Variants in GOLGB1 observed in about 807,000 individuals in gnomAD.
The protein encoded by GOLGB1 is golgin subfamily B member 1.
In GOLGB1, 174 loss-of-function variants were observed where a neutral mutation model predicts 336.9. The ratio of observed to expected loss-of-function variants is 0.52; its 90% CI spans 0.46 to 0.59. GOLGB1 has a LOEUF of 0.59. Among genes scored for constraint, GOLGB1 ranks in the 20% least tolerant of loss-of-function variants. The probability of loss-of-function intolerance (pLI) is 0.00; values close to 1 mark genes in which losing one functional copy is unlikely to be tolerated. For synonymous variants in GOLGB1, 1,208 were observed against 1,289.2 expected (o/e 0.94, Z 1.35); for missense variants, 3,331 against 3,645.3 (o/e 0.91, Z 2.22).
chr3:121,702,527 G>T lies in GOLGB1; in HGVS notation c.1473C>A (p.Ala491=). ...RVVELENEKG[A]LLLSSIELEE... is the part of the protein sequence containing the mutation. ...CCAGCTCTATAGAACTAAGGAGCAA[G>T]GCTCCCTTTTCATTCTCTAGTTCTA... Residue 491 remains alanine (A), a synonymous_variant, in exon 11 of 22, where the codon GCC becomes GCA. Coordinates refer to ENST00000614479, the MANE Select transcript of GOLGB1 (RefSeq NM_001366282.2). 6.5e-7 allele frequency: 1 copy of T among 1,550,192 alleles called. No homozygotes were observed. The highest frequency in any genetic ancestry group is 8.7e-7 in the Non-Finnish European group (1 of 1,149,034).
In GOLGB1 at chr3:121,667,545, A is replaced by G; in HGVS notation, c.9485T>C (p.Leu3162Pro). 1.2e-6 allele frequency: 2 copies of G among 1,614,114 alleles called. No individual in the cohort carries two copies. The highest frequency in any genetic ancestry group is 1.7e-6 in the Non-Finnish European group (2 of 1,179,944). The part of the protein sequence containing the change: ...RQEVNELRKL[L>P]EEERDQRVAA... ...CACTCTTTGGTCTCGTTCTTCTTCCAGCAGCTTCCTTAATTCATTCACTTC... is the reference window on the plus strand; with the variant it reads ...CACTCTTTGGTCTCGTTCTTCTTCCGGCAGCTTCCTTAATTCATTCACTTC... The change falls in exon 20 of 22, where the codon CTG becomes CCG. Residue 3162 changes from leucine to proline, a missense_variant. Leu to Pro is a moderately conservative substitution (Grantham distance 98, BLOSUM62 -3). Coordinates refer to ENST00000614479, the MANE Select transcript of GOLGB1 (RefSeq NM_001366282.2).
chr3:121,744,422 C>T (rs1046265185), intron 1 of GOLGB1, among the ~76,000 whole-genome samples: 2 of 109,310 alleles, frequency 1.8e-5, no homozygotes, highest in African/African-American at 7.3e-5. Context: ...GCCTGAGCAA[C>T]ATAGTGAGAC....
chr3:121,701,575 G>T (rs1297938405), intron 11 of GOLGB1, among the ~76,000 whole-genome samples: 1 of 152,090 alleles, frequency 6.6e-6, no homozygotes, highest in Non-Finnish European at 1.5e-5. Context: ...GATCAATAAA[G>T]CATTAACGAC....
At chr3:121,665,431 A>G (rs1183829326) in intron 20 of GOLGB1, among the ~76,000 whole-genome samples, 3 of 152,196 alleles carry the variant, frequency 2.0e-5, no homozygotes, top group African/African-American at 7.2e-5. Context: ...TTCAAGCCTC[A>G]CGTTCTTTTT....
At chr3:121,736,619 T>G (rs1393823146) in intron 1 of GOLGB1, among the ~76,000 whole-genome samples, 1 of 152,112 alleles carries the variant, frequency 6.6e-6, no homozygotes, top group Non-Finnish European at 1.5e-5. Context: ...AAATGCAAAG[T>G]AGGCCGGGCA....
chr3:121,710,303 C>T (rs1050363020), intron 10 of GOLGB1, among the ~76,000 whole-genome samples: 1 of 152,046 alleles, frequency 6.6e-6, no homozygotes, highest in African/African-American at 2.4e-5. Context: ...AAAGGAAACA[C>T]TCCCAGAAAA....
intron 12 of GOLGB1, among the ~76,000 whole-genome samples, chr3:121,699,199 T>A (rs1275289265): frequency 3.3e-5 from 5 of 152,156 alleles, no homozygotes; most frequent in Non-Finnish European, 4.4e-5. Flanking sequence ...ATTCCTTACA[T>A]AAGAAGCTTT....
At chr3:121,688,285 C>G (rs1241952830) in intron 14 of GOLGB1, among the ~76,000 whole-genome samples, 10 of 152,238 alleles carry the variant, frequency 6.6e-5, no homozygotes, top group Non-Finnish European at 1.5e-4. Flanking sequence ...CAACCTCCCT[C>G]CCTGATTCTT....
intron 14 of GOLGB1, among the ~76,000 whole-genome samples, chr3:121,687,796 G>A (rs1317800596): frequency 6.6e-6 from 1 of 152,178 alleles, no homozygotes; most frequent in Non-Finnish European, 1.5e-5. Context: ...TTTTGACTTA[G>A]AAGATAATCA....
At chr3:121,668,988 T>A (rs973502500) in intron 18 of GOLGB1, among the ~76,000 whole-genome samples, 16 of 152,342 alleles carry the variant, frequency 1.1e-4, no homozygotes, top group African/African-American at 3.8e-4. Context: ...TTCCTACTCA[T>A]GTTTTGATTT....
Position 121,716,862 on chromosome 3 carries a change from C to T in GOLGB1, c.1163G>A (p.Ser388Asn), listed in dbSNP as rs1477883662. The T allele has an allele frequency of 6.2e-7, 1 of 1,613,942 alleles. No individual in the cohort carries two copies. Residue 388 changes from serine to asparagine, a missense_variant, in exon 9 of 22, where the codon AGT becomes AAT. Coordinates refer to ENST00000614479, the MANE Select transcript of GOLGB1 (RefSeq NM_001366282.2). Reference sequence around the variant, plus strand: ...CAGCTCTTGTCCAGTCTTTTGAAGACTCAAAATATGAGAGGTCTTCTCTTC... The same window carrying T: ...CAGCTCTTGTCCAGTCTTTTGAAGATTCAAAATATGAGAGGTCTTCTCTTC... ...EMEEKTSHIL[S>N]LQKTGQELQS...
At position 121,696,945 on chromosome 3, in the gene GOLGB1, T is replaced by C. The variant is rs368280345; in HGVS notation, c.3578A>G (p.Lys1193Arg). The C allele has an allele frequency of 7.4e-6, 12 of 1,613,994 alleles. No homozygotes were observed. Among genetic ancestry groups the C allele is most frequent in the Non-Finnish European group, 1.0e-5 (12 of 1,179,956 alleles). The change falls in exon 13 of 22, where the codon AAG becomes AGG. Residue 1193 changes from lysine (K) to arginine (R), a missense_variant. By Grantham distance (26) the Lys-to-Arg change is conservative (BLOSUM62 2). Coordinates refer to ENST00000614479, the MANE Select transcript of GOLGB1 (RefSeq NM_001366282.2). ...CTCCTGTGCCTTTTTAAGAATTGCC[T>C]TGCGGGAGGTTAAGGCTTCCTGTAG... Reference protein sequence around the residue: ...KKLQEALTSRKAILKKAQEKE... With the variant: ...KKLQEALTSRRAILKKAQEKE...
chr3:121,694,939 G>T lies in GOLGB1; in HGVS notation c.5584C>A (p.Gln1862Lys). 6.2e-7 allele frequency: 1 copy of T among 1,613,904 alleles called. No homozygotes were observed. Among genetic ancestry groups the T allele is most frequent in the Non-Finnish European group, 8.5e-7 (1 of 1,179,916 alleles). ...GTCTGGCTAAATTCCTTGTTTTTCT[G>T]CTTCTCCTCCTCTAATCCAGCAATT... Reference protein sequence around the residue: ...ERIAGLEEEKQKNKEFSQTLE... With the variant: ...ERIAGLEEEKKKNKEFSQTLE... Residue 1862 changes from glutamine to lysine, a missense_variant, in exon 13 of 22, where the codon CAG becomes AAG. By Grantham distance (53) the Gln-to-Lys change is moderately conservative. Coordinates refer to ENST00000614479, the MANE Select transcript of GOLGB1 (RefSeq NM_001366282.2).
At chr3:121,716,028 A>G (rs536142003) in intron 9 of GOLGB1, among the ~76,000 whole-genome samples, 15 of 152,128 alleles carry the variant, frequency 9.9e-5, no homozygotes, top group African/African-American at 3.6e-4. Flanking sequence ...CTGTCTGGCT[A>G]ACATTCAGTT....
At position 121,692,546 on chromosome 3, in the gene GOLGB1, G is replaced by A; in HGVS notation, c.6818C>T (p.Ala2273Val). 6.3e-7 allele frequency: 1 copy of A among 1,597,522 alleles called. No homozygotes were observed. Among genetic ancestry groups the A allele is most frequent in the Non-Finnish European group, 8.5e-7 (1 of 1,174,734 alleles). ...CTGCTGAAGCTGGACCTCTGTCTGG[G>A]CCTTGGACTCCCAAATCTGCTTGTC... is the stretch of plus-strand genomic sequence containing the variant. The part of the protein sequence containing the change: ...EHDKQIWESK[A>V]QTEVQLQQKV... The change falls in exon 14 of 22, where the codon GCC (alanine) becomes GTC (valine). Residue 2273 changes from alanine (A) to valine (V), a missense_variant. Physicochemically the swap from Ala to Val is moderately conservative, Grantham distance 64. Transcript: ENST00000614479.
rs1237993980 is a variant in GOLGB1 at position 121,695,482 on chromosome 3, C to A, written c.5041G>T (p.Glu1681Ter). The stretch of plus-strand genomic sequence containing the variant: ...GATTTAGCAAACTTTCTCATCTTTT[C>A]TTTCATTTCCTCCATTTCTTGCTCA... ...EAEQEMEEMK[E>*]KMRKFAKSKQ... The change falls in exon 13 of 22, where the codon GAA (glutamate) becomes TAA (stop). Residue 1681 changes from glutamate (E) to a stop codon, truncating the protein, a stop_gained. Transcript: ENST00000614479. LOFTEE classifies it high-confidence loss of function. 1 of 1,613,812 alleles carries A rather than the reference C, an allele frequency of 6.2e-7. No homozygotes were observed. Among genetic ancestry groups the A allele is most frequent in the Non-Finnish European group, 8.5e-7 (1 of 1,179,864 alleles).
At chr3:121,737,496 C>CAA (rs763872247) in intron 1 of GOLGB1, among the ~76,000 whole-genome samples, 84 of 151,568 alleles carry the variant, frequency 5.5e-4, no homozygotes, top group South Asian at 1.9e-3. Context: ...ACTAAAAATA[C>CAA]AAAAATTAGC....
chr3:121,691,371 C>G lies in GOLGB1; in HGVS notation c.7993G>C (p.Glu2665Gln). 6.2e-7 allele frequency: 1 copy of G among 1,613,042 alleles called. No homozygotes were observed. Among genetic ancestry groups the G allele is most frequent in the Non-Finnish European group, 8.5e-7 (1 of 1,179,808 alleles). The change falls in exon 14 of 22, where the codon GAA becomes CAA. Residue 2665 changes from glutamate to glutamine, a missense_variant. Physicochemically the swap from Glu to Gln is conservative, Grantham distance 29. Coordinates refer to ENST00000614479, the MANE Select transcript of GOLGB1 (RefSeq NM_001366282.2). ...SSQKRIAELE[E>Q]ELVCVQKEAA... The stretch of plus-strand genomic sequence containing the variant: ...TCCTTTTGAACACAAACCAATTCTT[C>G]TTCCAGTTCTGCAATTCTCTTTTGA...
chr3:121,697,062 G>C lies in GOLGB1; in HGVS notation c.3461C>G (p.Pro1154Arg). The C allele has an allele frequency of 6.2e-7, 1 of 1,613,718 alleles. No individual in the cohort carries two copies. The highest frequency in any genetic ancestry group is 2.2e-5 in the East Asian group (1 of 44,874). Residue 1154 changes from proline (P) to arginine (R), a missense_variant, in exon 13 of 22, where the codon CCA becomes CGA. Coordinates refer to ENST00000614479, the MANE Select transcript of GOLGB1 (RefSeq NM_001366282.2). ...GTGTTCACTACTACCTGTACAAGGTGGACTTATCACCACTGTTTCCTTTAC... is the reference window on the plus strand; with the variant it reads ...GTGTTCACTACTACCTGTACAAGGTCGACTTATCACCACTGTTTCCTTTAC... Reference protein sequence around the residue: ...ALVKETVVISPPCTGSSEHWK... With the variant: ...ALVKETVVISRPCTGSSEHWK...
Sources: gnomAD v4.1 joint callset for allele counts (sites outside exome capture counted in the v4.1 genomes callset) on GRCh38, gnomAD v4.1.1 for gene constraint, MANE v1.5 for transcripts, NCBI Gene and HGNC (gene_info 2026-07-23, HGNC 2026-07-21) for gene names.